CAPRIN2: variants seen among roughly 807,000 people sequenced by gnomAD.
CAPRIN2 encodes the protein caprin-2.
In CAPRIN2, 66 loss-of-function variants were observed where a neutral mutation model predicts 130.4. The ratio of observed to expected loss-of-function variants is 0.51; its 90% CI spans 0.42 to 0.62. The LOEUF (loss-of-function observed/expected upper bound fraction) is 0.62. Ranked by LOEUF, CAPRIN2 falls within the 20% of genes least tolerant of loss-of-function variation. The probability of loss-of-function intolerance (pLI) is 0.00; values close to 1 mark genes in which losing one functional copy is unlikely to be tolerated. For missense variants in CAPRIN2, 1,185 were observed against 1,246.6 expected (o/e 0.95, Z 0.74); for synonymous variants, 471 against 444.1 (o/e 1.06, Z -0.76).
chr12:30,726,191 A>G, intron 8 of CAPRIN2, 103 bp from the exon 10 acceptor site: 1 of 949,854 alleles, frequency 1.1e-6, no homozygotes, highest in Non-Finnish European at 1.4e-6. Context: ...AAAAACAGCA[A>G]TGTTCACTTA....
intron 2 of CAPRIN2, among the ~76,000 whole-genome samples, chr12:30,743,957 T>C (rs1275463360): frequency 6.6e-6 from 1 of 152,156 alleles, no homozygotes; most frequent in Non-Finnish European, 1.5e-5. Context: ...TACCAGACAC[T>C]GATGTCTCCC....
intron 2 of CAPRIN2, among the ~76,000 whole-genome samples, chr12:30,747,677 CAA>C (rs777165396): frequency 4.3e-5 from 5 of 114,994 alleles, no homozygotes; most frequent in Admixed American, 8.9e-5. Context: ...AACACCGTCT[CAA>C]AAAAAAAAAA....
At chr12:30,743,405 C>T (rs1391320330) in intron 2 of CAPRIN2, among the ~76,000 whole-genome samples, 2 of 152,154 alleles carry the variant, frequency 1.3e-5, no homozygotes, top group African/African-American at 2.4e-5. Context: ...TCTACCATTC[C>T]ACCAGAACTG....
At chr12:30,741,356 A>ACC in intron 2 of CAPRIN2, among the ~76,000 whole-genome samples, 1 of 152,216 alleles carries the variant, frequency 6.6e-6, no homozygotes, top group Middle Eastern at 3.4e-3. Context: ...TCCTAATTTT[A>ACC]CCCCTATAAA....
Position 30,729,051 on chromosome 12 carries a change from TGCTTCTTCTGCTCTTCCGGCAGA to T in CAPRIN2, c.1356_1378del (p.Leu453GlyfsTer10). Reference sequence around the variant, plus strand: ...AGATGGCTTGGATTTGGAGATCTCCTGCTTCTTCTGCTCTTCCGGCAGAGTAGACCTGAGTTTTGAGGTGTCTT... The same window carrying T: ...AGATGGCTTGGATTTGGAGATCTCCTGTAGACCTGAGTTTTGAGGTGTCTT... On this transcript the variant is annotated frameshift_variant, in exon 8 of 17. Transcript: ENST00000298892. LOFTEE classifies it high-confidence loss of function. 1.2e-6 allele frequency: 2 copies of T among 1,614,180 alleles called. No individual in the cohort carries two copies. Among genetic ancestry groups the T allele is most frequent in the South Asian group, 1.1e-5 (1 of 91,080 alleles).
At chr12:30,720,640 C>T (rs182356984) in intron 12 of CAPRIN2, 171 bp downstream of exon 13, 4 of 526,964 alleles carry the variant, frequency 7.6e-6, no homozygotes, top group Non-Finnish European at 1.4e-5. Context: ...TATGGCAAAG[C>T]TACAATAAAG....
chr12:30,731,395 T>C, exon 6 of CAPRIN2: 1 of 1,613,160 alleles, frequency 6.2e-7, no homozygotes, highest in Non-Finnish European at 8.5e-7. Flanking sequence ...TCTCTGATTG[T>C]ATTAGCATTT....
At chr12:30,753,204 C>T (rs1373531434) in intron 1 of CAPRIN2, 140 bp downstream of exon 2, 4 of 661,092 alleles carry the variant, frequency 6.1e-6, no homozygotes, top group African/African-American at 3.6e-5. Context: ...ATTTCCAACA[C>T]GTAACCTGCT....
At chr12:30,731,643 C>A (rs868150533) in intron 5 of CAPRIN2, 133 bp from the exon 7 acceptor site, 4 of 693,000 alleles carry the variant, frequency 5.8e-6, no homozygotes, top group Non-Finnish European at 7.1e-6. Context: ...TACATCCTTA[C>A]AATAGTTTAC....
intron 2 of CAPRIN2, among the ~76,000 whole-genome samples, chr12:30,750,152 A>G (rs1034497028): frequency 6.6e-6 from 1 of 152,244 alleles, no homozygotes; most frequent in Admixed American, 6.5e-5. Context: ...CACCATTTGC[A>G]GAGCTCACAC....
At chr12:30,744,560 C>T (rs371321010) in intron 2 of CAPRIN2, among the ~76,000 whole-genome samples, 1 of 152,158 alleles carries the variant, frequency 6.6e-6, no homozygotes, top group Non-Finnish European at 1.5e-5. Flanking sequence ...CTCCCTCCCC[C>T]CTTTCACTGG....
At chr12:30,733,456 C>A (rs2063410543) in intron 5 of CAPRIN2, among the ~76,000 whole-genome samples, 173 bp downstream of exon 6, 1 of 152,130 alleles carries the variant, frequency 6.6e-6, no homozygotes, top group African/African-American at 2.4e-5. Context: ...TAGGGTTATA[C>A]AATAGCTGCT....
At chr12:30,749,671 A>G (rs879597455) in intron 2 of CAPRIN2, among the ~76,000 whole-genome samples, 10 of 152,214 alleles carry the variant, frequency 6.6e-5, no homozygotes, top group Admixed American at 6.5e-4. Context: ...AGCTAAGATT[A>G]GAGGAGGAGC....
chr12:30,727,272 G>C (rs2061224204), intron 8 of CAPRIN2, among the ~76,000 whole-genome samples: 1 of 152,144 alleles, frequency 6.6e-6, no homozygotes, highest in East Asian at 1.9e-4. Context: ...ATCTTCTGTA[G>C]GGTCAGGAAG....
At chr12:30,728,798 A>C in exon 8 of CAPRIN2, 2 of 1,614,036 alleles carry the variant, frequency 1.2e-6, no homozygotes, top group Non-Finnish European at 1.7e-6. Context: ...AGGATTTTGG[A>C]GTCTCTGGCT....
At chr12:30,730,335 G>T in intron 6 of CAPRIN2, 53 bp from the exon 8 acceptor site, 1 of 1,230,892 alleles carries the variant, frequency 8.1e-7, no homozygotes. Flanking sequence ...TAAGTTTTTA[G>T]ACAGATTACA....
intron 9 of CAPRIN2, 64 bp from the exon 11 acceptor site, chr12:30,724,515 T>C (rs1704096316): frequency 6.5e-6 from 7 of 1,083,932 alleles, no homozygotes; most frequent in Non-Finnish European, 9.9e-6. Context: ...CTATTACCAT[T>C]GAATTATTCA....
intron 10 of CAPRIN2, 41 bp downstream of exon 11, chr12:30,724,329 G>T: frequency 8.4e-7 from 1 of 1,184,538 alleles, no homozygotes; most frequent in Non-Finnish European, 1.3e-6. Context: ...ATAGCTGTTA[G>T]CTCAAGACGT....
At chr12:30,749,207 A>C (rs1261501594) in intron 2 of CAPRIN2, among the ~76,000 whole-genome samples, 2 of 152,164 alleles carry the variant, frequency 1.3e-5, no homozygotes, top group African/African-American at 2.4e-5. Flanking sequence ...CAAGGAGGCT[A>C]GGGTAGCTAG....
Sources: allele counts gnomAD v4.1 joint callset (sites outside exome capture counted in the v4.1 genomes callset), GRCh38; gene constraint gnomAD v4.1.1; transcripts MANE v1.5; gene names NCBI Gene and HGNC (gene_info 2026-07-23, HGNC 2026-07-21).